ATP8A2: variants seen among roughly 807,000 people sequenced by gnomAD.
The protein encoded by ATP8A2 is phospholipid-transporting ATPase IB.
A neutral mutation model predicts 165.6 loss-of-function variants in ATP8A2; 100 were observed. The observed-to-expected ratio is 0.60, with a 90% CI of 0.51 to 0.71. ATP8A2 has a LOEUF of 0.71. ATP8A2 is among the 30% of genes least tolerant of loss of function. The pLI is 0.00. For missense variants in ATP8A2, 1,227 were observed against 1,479.5 expected (o/e 0.83, Z 2.80); for synonymous variants, 543 against 548.8 (o/e 0.99, Z 0.15).
intron 33 of ATP8A2, among the ~76,000 whole-genome samples, chr13:25,951,967 G>A (rs910982270): frequency 3.3e-5 from 5 of 152,340 alleles, no homozygotes; most frequent in Admixed American, 3.3e-4. Context: ...GCTAGAAGCT[G>A]TGGGTTTACA....
intron 24 of ATP8A2, among the ~76,000 whole-genome samples, chr13:25,651,972 T>G (rs2041823811): frequency 6.6e-6 from 1 of 152,208 alleles, no homozygotes; most frequent in Non-Finnish European, 1.5e-5. Context: ...AACATTAGTT[T>G]TATTTGTATC....
intron 9 of ATP8A2, among the ~76,000 whole-genome samples, chr13:25,542,261 T>C (rs1208455793): frequency 6.6e-6 from 1 of 152,172 alleles, no homozygotes; most frequent in Non-Finnish European, 1.5e-5. Context: ...ATTCTTTCTG[T>C]GCCTACTCTC....
chr13:25,716,664 G>A (rs750007631), intron 25 of ATP8A2, among the ~76,000 whole-genome samples: 4 of 152,306 alleles, frequency 2.6e-5, no homozygotes, highest in African/African-American at 4.8e-5. Flanking sequence ...GAGTAGCGAT[G>A]AGAATAGAAG....
At chr13:25,805,545 A>G (rs1334149071) in intron 27 of ATP8A2, among the ~76,000 whole-genome samples, 1 of 152,158 alleles carries the variant, frequency 6.6e-6, no homozygotes, top group East Asian at 1.9e-4. Flanking sequence ...TAACAAAGTA[A>G]GATATCTTTT....
chr13:26,018,455 T>C (rs1212056825), intron 36 of ATP8A2, among the ~76,000 whole-genome samples: 2 of 152,212 alleles, frequency 1.3e-5, no homozygotes, highest in Non-Finnish European at 2.9e-5. Flanking sequence ...TTTCGACTTC[T>C]TTTCTCCTTT....
chr13:25,405,434 T>G (rs1205953652), intron 1 of ATP8A2, among the ~76,000 whole-genome samples: 1 of 152,192 alleles, frequency 6.6e-6, no homozygotes, highest in South Asian at 2.1e-4. Flanking sequence ...CTTCATTCAT[T>G]TTTTTCTGGG....
chr13:25,373,836 G>A (rs1293276708), intron 1 of ATP8A2, among the ~76,000 whole-genome samples: 2 of 152,168 alleles, frequency 1.3e-5, no homozygotes, highest in Non-Finnish European at 2.9e-5. Flanking sequence ...AGTGTGCAAG[G>A]CCAGACATAG....
Position 25,578,879 on chromosome 13 carries a change from TG to T in ATP8A2, c.1849del (p.Glu617AsnfsTer27). ...SKYMEETLCH[L>X]EYFATEGLRT... The stretch of plus-strand genomic sequence containing the variant: ...TATATGGAGGAAACATTATGCCATC[TG>T]GAATACTTTGCCACGGAAGGTAAGT... On this transcript the variant is annotated frameshift_variant, in exon 21 of 37. Transcript: ENST00000381655. LOFTEE classifies it high-confidence loss of function. 1 of 1,610,736 alleles carries T rather than the reference TG, an allele frequency of 6.2e-7. No individual in the cohort carries two copies.
intron 25 of ATP8A2, among the ~76,000 whole-genome samples, chr13:25,754,751 A>G (rs1277778473): frequency 6.6e-6 from 1 of 152,202 alleles, no homozygotes; most frequent in Non-Finnish European, 1.5e-5. Flanking sequence ...GTTTTTTAAT[A>G]TAGCAAAAGA....
At chr13:25,568,565 A>T (rs867777300) in intron 16 of ATP8A2, among the ~76,000 whole-genome samples, 3 of 152,224 alleles carry the variant, frequency 2.0e-5, no homozygotes, top group Admixed American at 2.0e-4. Context: ...AGGCAAATTC[A>T]TAGATACAGA....
Position 25,553,879 on chromosome 13 carries a change from C to G in ATP8A2, c.1144C>G (p.Leu382Val). 6.2e-7 allele frequency: 1 copy of G among 1,613,796 alleles called. No homozygotes were observed. Among genetic ancestry groups the G allele is most frequent in the Non-Finnish European group, 8.5e-7 (1 of 1,179,702 alleles). Reference sequence around the variant, plus strand: ...TATTCCCATCAGTCTGTTGGTGACTCTTGAGGTTGTGAAGTATACTCAAGC... The same window carrying G: ...TATTCCCATCAGTCTGTTGGTGACTGTTGAGGTTGTGAAGTATACTCAAGC... ...NLIPISLLVT[L>V]EVVKYTQALF... Residue 382 changes from leucine to valine, a missense_variant, in exon 12 of 37, where the codon CTT becomes GTT. Physicochemically the swap from Leu to Val is conservative, Grantham distance 32. Around this residue, in one of 5 missense-constraint regions of ATP8A2, gnomAD observed 592 missense variants for 785.6 expected, o/e 0.75. Coordinates refer to ENST00000381655, the MANE Select transcript of ATP8A2 (RefSeq NM_016529.6).
chr13:25,791,086 ATATGTTCAT>A (rs2045159454), intron 27 of ATP8A2, among the ~76,000 whole-genome samples: 1 of 152,190 alleles, frequency 6.6e-6, no homozygotes, highest in South Asian at 2.1e-4. Flanking sequence ...ATATGCATGC[ATATGTTCAT>A]TGCAGCACAA....
In ATP8A2 at chr13:25,396,858, G is replaced by A. The variant is rs988899161; in HGVS notation, c.76+24570G>A. 2.0e-5 allele frequency among the ~76,000 whole-genome samples: 3 copies of A among 152,328 alleles called. No homozygotes were observed. In the South Asian group the frequency reaches 6.2e-4, roughly 32 times the overall value. On this transcript the variant is annotated intron_variant, in intron 1 of 36. Transcript: ENST00000381655. ...TGCAATGTTATCAATCCACTGGCAT[G>A]ACTGTGGTGAGACAGAACACTCACA... is the stretch of plus-strand genomic sequence containing the variant.
chr13:25,883,575 G>A (rs1953049027), intron 33 of ATP8A2, among the ~76,000 whole-genome samples: 1 of 152,206 alleles, frequency 6.6e-6, no homozygotes, highest in African/African-American at 2.4e-5. Flanking sequence ...CATGCGGACA[G>A]GCCCGTGTCT....
intron 1 of ATP8A2, among the ~76,000 whole-genome samples, chr13:25,399,589 A>C (rs2033558720): frequency 8.9e-6 from 1 of 112,198 alleles, no homozygotes; most frequent in Non-Finnish European, 1.9e-5. Context: ...TTTTTAGTAG[A>C]GACGGGGTTT....
At chr13:25,470,219 T>C (rs950521200) in intron 2 of ATP8A2, among the ~76,000 whole-genome samples, 4 of 152,252 alleles carry the variant, frequency 2.6e-5, no homozygotes, top group Non-Finnish European at 5.9e-5. Context: ...AGGTGGAATT[T>C]TCACTTATTA....
intron 35 of ATP8A2, among the ~76,000 whole-genome samples, chr13:25,988,469 G>A (rs987335802): frequency 4.6e-5 from 7 of 152,206 alleles, no homozygotes; most frequent in African/African-American, 1.7e-4. Context: ...GGAAAAGGGA[G>A]GGGAACTCAG....
At chr13:25,456,035 G>A (rs1477529092) in intron 1 of ATP8A2, among the ~76,000 whole-genome samples, 2 of 152,202 alleles carry the variant, frequency 1.3e-5, no homozygotes, top group Non-Finnish European at 1.5e-5. Context: ...AAACTCAAAG[G>A]AGGGGGCACT....
intron 28 of ATP8A2, among the ~76,000 whole-genome samples, chr13:25,829,013 C>A (rs1412729567): frequency 2.6e-5 from 4 of 152,168 alleles, no homozygotes; most frequent in Non-Finnish European, 5.9e-5. Flanking sequence ...AGTTACCAGA[C>A]ATACAATAAT....
Sources: allele counts gnomAD v4.1 joint callset (sites outside exome capture counted in the v4.1 genomes callset), GRCh38; gene constraint gnomAD v4.1.1; regional missense constraint gnomAD v4.1.1; transcripts MANE v1.5; gene names NCBI Gene and HGNC (gene_info 2026-07-23, HGNC 2026-07-21).